Variants in KCTD8 observed in about 807,000 individuals in gnomAD.
KCTD8 encodes the protein BTB/POZ domain-containing protein KCTD8.
A neutral mutation model predicts 31.5 loss-of-function variants in KCTD8; 27 were observed. The observed-to-expected ratio is 0.86, with a 90% CI of 0.63 to 1.18. KCTD8 has a LOEUF of 1.18. Ranked by LOEUF, KCTD8 falls within the 50% of genes most tolerant of loss-of-function variation. KCTD8 has a pLI of 0.00. For missense variants in KCTD8, 658 were observed against 647.7 expected (o/e 1.02, Z -0.17); for synonymous variants, 290 against 280.0 (o/e 1.04, Z -0.36).
At chr4:44,334,055 CTT>C (rs1346242005) in intron 1 of KCTD8, among the ~76,000 whole-genome samples, 1 of 151,934 alleles carries the variant, frequency 6.6e-6, no homozygotes, top group African/African-American at 2.4e-5. Flanking sequence ...AATTAGGAAA[CTT>C]ATAGAGAATT....
chr4:44,267,476 T>C (rs1426923348), intron 1 of KCTD8, among the ~76,000 whole-genome samples: 1 of 151,792 alleles, frequency 6.6e-6, no homozygotes, highest in African/African-American at 2.4e-5. Context: ...AACATCACAA[T>C]TAAAAGAACT....
intron 1 of KCTD8, among the ~76,000 whole-genome samples, chr4:44,404,686 A>G (rs904550889): frequency 2.0e-5 from 3 of 152,186 alleles, no homozygotes; most frequent in African/African-American, 7.2e-5. Flanking sequence ...GAAAATAATG[A>G]GACAGAAAAA....
chr4:44,365,327 T>A (rs995888608), intron 1 of KCTD8, among the ~76,000 whole-genome samples: 8 of 152,042 alleles, frequency 5.3e-5, no homozygotes, highest in African/African-American at 1.9e-4. Context: ...TCAAGGAAAA[T>A]CAGTCTTTAT....
intron 1 of KCTD8, among the ~76,000 whole-genome samples, chr4:44,410,399 T>C (rs1437487688): frequency 6.6e-6 from 1 of 152,202 alleles, no homozygotes; most frequent in African/African-American, 2.4e-5. Context: ...TATTACTTCA[T>C]GCAATAGTCT....
chr4:44,219,060 C>G (rs1714732880), intron 1 of KCTD8, among the ~76,000 whole-genome samples: 1 of 152,166 alleles, frequency 6.6e-6, no homozygotes, highest in Non-Finnish European at 1.5e-5. Flanking sequence ...TTGCTTCACT[C>G]ACCTCGAAAA....
intron 1 of KCTD8, among the ~76,000 whole-genome samples, chr4:44,207,291 A>T (rs1453026042): frequency 6.6e-6 from 1 of 152,326 alleles, no homozygotes; most frequent in African/African-American, 2.4e-5. Flanking sequence ...CATCTCTTTC[A>T]TATATTTGAT....
intron 1 of KCTD8, among the ~76,000 whole-genome samples, chr4:44,419,794 T>C (rs1257956767): frequency 2.0e-5 from 3 of 151,892 alleles, no homozygotes; most frequent in Admixed American, 2.0e-4. Flanking sequence ...GGCACATGTA[T>C]ACATACGTAA....
chr4:44,309,441 A>C (rs2109398186), intron 1 of KCTD8, among the ~76,000 whole-genome samples: 1 of 152,318 alleles, frequency 6.6e-6, no homozygotes, highest in East Asian at 1.9e-4. Context: ...GTAATATTTT[A>C]CAGAATTTGA....
intron 1 of KCTD8, among the ~76,000 whole-genome samples, chr4:44,384,150 A>AC (rs1191472745): frequency 5.3e-4 from 81 of 151,632 alleles, no homozygotes; most frequent in African/African-American, 1.9e-3. Context: ...ATCAAAAAAA[A>AC]ACAAAAAAAA....
chr4:44,257,025 A>C (rs946117568), intron 1 of KCTD8, among the ~76,000 whole-genome samples: 4 of 152,000 alleles, frequency 2.6e-5, no homozygotes, highest in African/African-American at 9.7e-5. Flanking sequence ...TAAATACTGT[A>C]TGATCTAATT....
intron 1 of KCTD8, among the ~76,000 whole-genome samples, chr4:44,193,713 C>A (rs745450565): frequency 6.6e-6 from 1 of 151,212 alleles, no homozygotes; most frequent in Non-Finnish European, 1.5e-5. Flanking sequence ...TTCATTGTGA[C>A]CTTTACTGGG....
chr4:44,219,256 C>G (rs948830749), intron 1 of KCTD8, among the ~76,000 whole-genome samples: 2 of 152,198 alleles, frequency 1.3e-5, no homozygotes, highest in African/African-American at 4.8e-5. Flanking sequence ...CAAAAACCAA[C>G]TAACAAATTC....
At chr4:44,266,695 GA>G (rs1366529204) in intron 1 of KCTD8, among the ~76,000 whole-genome samples, 2 of 151,624 alleles carry the variant, frequency 1.3e-5, no homozygotes, top group Non-Finnish European at 2.9e-5. Context: ...AAGGATGGAG[GA>G]AGATCTACCA....
intron 1 of KCTD8, among the ~76,000 whole-genome samples, chr4:44,249,925 T>C (rs1246076321): frequency 6.6e-6 from 1 of 151,770 alleles, no homozygotes; most frequent in South Asian, 2.1e-4. Flanking sequence ...ATTCTGAAAT[T>C]GGTGTCTATC....
intron 1 of KCTD8, among the ~76,000 whole-genome samples, chr4:44,374,299 T>C (rs1719865255): frequency 6.6e-6 from 1 of 152,154 alleles, no homozygotes; most frequent in Non-Finnish European, 1.5e-5. Flanking sequence ...CTCCCACCTT[T>C]TCTTCTGCAG....
At chr4:44,281,611 G>A (rs529206530) in intron 1 of KCTD8, among the ~76,000 whole-genome samples, 5 of 152,158 alleles carry the variant, frequency 3.3e-5, no homozygotes, top group East Asian at 1.9e-4. Flanking sequence ...TACTGTTGCC[G>A]TTCCAACCAT....
At chr4:44,199,019 G>C (rs1291926998) in intron 1 of KCTD8, among the ~76,000 whole-genome samples, 1 of 151,936 alleles carries the variant, frequency 6.6e-6, no homozygotes, top group Non-Finnish European at 1.5e-5. Context: ...GAATAAAACA[G>C]ACTTTAAATC....
intron 1 of KCTD8, among the ~76,000 whole-genome samples, chr4:44,407,372 TTCTTTTC>T (rs1021556594): frequency 6.6e-6 from 1 of 151,874 alleles, no homozygotes; most frequent in Non-Finnish European, 1.5e-5. Context: ...ACATTAATTT[TTCTTTTC>T]TCTTTTTTTC....
In KCTD8 at chr4:44,174,793, T is replaced by G. The variant is rs748043233; in HGVS notation, c.1419A>C (p.Leu473Phe). The change falls in exon 2 of 2, where the codon TTA becomes TTC. Residue 473 changes from leucine (L) to phenylalanine (F), a missense_variant. Transcript: ENST00000360029. The part of the protein sequence containing the change: ...WQSELLQKYG[L>F] ...TACTGCAGGAATGTGACAATTACTATAACCCATACTTCTGCAACAGTTCAG... is the reference window on the plus strand; with the variant it reads ...TACTGCAGGAATGTGACAATTACTAGAACCCATACTTCTGCAACAGTTCAG... The G allele has an allele frequency of 1.3e-6, 2 of 1,594,884 alleles. No individual in the cohort carries two copies. Among genetic ancestry groups the G allele is most frequent in the East Asian group, 2.2e-5 (1 of 44,798 alleles).
Sources: gnomAD v4.1 joint callset for allele counts (sites outside exome capture counted in the v4.1 genomes callset) on GRCh38, gnomAD v4.1.1 for gene constraint, MANE v1.5 for transcripts, NCBI Gene and HGNC (gene_info 2026-07-23, HGNC 2026-07-21) for gene names.